The following B3GLCT variants were observed in gnomAD, a reference collection of about 807,000 sequenced individuals.
B3GLCT encodes beta 3-glucosyltransferase, also known as beta-1,3-glucosyltransferase.
In B3GLCT, 65 loss-of-function variants were observed where a neutral mutation model predicts 63.4. That is an observed-to-expected ratio of 1.03 (90% CI 0.84 to 1.26). The LOEUF is 1.26. B3GLCT is among the 50% of genes most tolerant of loss of function. The pLI is 0.00. For synonymous variants in B3GLCT, 233 were observed against 219.2 expected, an observed-to-expected ratio of 1.06 and a Z score of -0.55; for missense variants, 577 against 604.8, an observed-to-expected ratio of 0.95 and a Z score of 0.48.
chr13:31,323,245 T>G (rs1041071), intron 13 of B3GLCT, among the ~76,000 whole-genome samples: 2 of 152,146 alleles, frequency 1.3e-5, no homozygotes, highest in South Asian at 4.1e-4. Flanking sequence ...ATAGAATGTT[T>G]CCTCCCCCAG....
At chr13:31,283,821 T>A (rs1406150641) in intron 10 of B3GLCT, among the ~76,000 whole-genome samples, 2 of 152,216 alleles carry the variant, frequency 1.3e-5, no homozygotes, top group African/African-American at 4.8e-5. Flanking sequence ...GAAGATTTGG[T>A]TCATCAGAGT....
At chr13:31,286,682 A>T in intron 11 of B3GLCT, 38 bp from the exon 12 acceptor site, 1 of 1,280,378 alleles carries the variant, frequency 7.8e-7, no homozygotes, top group Admixed American at 1.7e-5. Context: ...ATTTTATAAG[A>T]AATAATACAT....
At chr13:31,274,365 T>C in intron 8 of B3GLCT, 144 bp from the exon 9 acceptor site, 1 of 995,158 alleles carries the variant, frequency 1.0e-6, no homozygotes, top group Non-Finnish European at 1.6e-6. Flanking sequence ...GTTTAGGAAG[T>C]CCTGTTGAAT....
At chr13:31,208,871 T>TC (rs1869118198) in intron 1 of B3GLCT, among the ~76,000 whole-genome samples, 1 of 151,874 alleles carries the variant, frequency 6.6e-6, no homozygotes, top group Non-Finnish European at 1.5e-5. Context: ...TGGCCCCTGG[T>TC]ACCTTCAGCC....
At chr13:31,264,224 C>T in intron 7 of B3GLCT, among the ~76,000 whole-genome samples, 1 of 152,124 alleles carries the variant, frequency 6.6e-6, no homozygotes, top group African/African-American at 2.4e-5. Context: ...GGGACACAAA[C>T]ATTCAGACCA....
chr13:31,229,827 G>A (rs904005799), intron 4 of B3GLCT, among the ~76,000 whole-genome samples: 7 of 148,360 alleles, frequency 4.7e-5, no homozygotes, highest in Non-Finnish European at 1.0e-4. Flanking sequence ...TTTTGTGTGT[G>A]TGTATATATA....
Position 31,289,415 on chromosome 13 carries a change from T to C in B3GLCT, c.1064+2596T>C, listed in dbSNP as rs1593299378. ...ATCCAGTGATCTTCATGTAAATACATTGAAAAAAGGACTTCACATGGCATA... is the reference window on the plus strand; with the variant it reads ...ATCCAGTGATCTTCATGTAAATACACTGAAAAAAGGACTTCACATGGCATA... On this transcript the variant is annotated intron_variant, in intron 12 of 14. Transcript: ENST00000343307. Among the ~76,000 whole-genome samples the C allele has an allele frequency of 2.0e-5, 3 of 152,220 alleles. No homozygotes were observed. The South Asian group carries it at 6.2e-4, about 32-fold the overall frequency.
At chr13:31,213,486 AG>A (rs1869381491) in intron 1 of B3GLCT, among the ~76,000 whole-genome samples, 1 of 152,050 alleles carries the variant, frequency 6.6e-6, no homozygotes, top group African/African-American at 2.4e-5. Flanking sequence ...GCTACTCGGG[AG>A]GCTGAGGTGG....
chr13:31,266,051 G>C (rs1390294400), intron 7 of B3GLCT, among the ~76,000 whole-genome samples: 3 of 151,944 alleles, frequency 2.0e-5, no homozygotes, highest in Non-Finnish European at 4.4e-5. Flanking sequence ...CCAGGCTGGA[G>C]TACAGTGGCG....
In B3GLCT at chr13:31,330,776, A is replaced by G. The variant is rs1402008477; in HGVS notation, c.*1108A>G. 6.6e-6 allele frequency: 1 copy of G among 152,130 alleles called. No individual in the cohort carries two copies. Among genetic ancestry groups the G allele is most frequent in the Non-Finnish European group, 1.5e-5 (1 of 68,014 alleles). The allele number at this position is 152,130 out of a possible 1,614,324, so 9.4% of individuals were successfully genotyped here. On this transcript the variant is annotated 3_prime_UTR_variant, in exon 15 of 15. Transcript: ENST00000343307. Reference sequence around the variant, plus strand: ...TCTAATTATATAATTCAGTTTTTGTAAAGGTATTTGCATAAAATTTAATAT... The same window carrying G: ...TCTAATTATATAATTCAGTTTTTGTGAAGGTATTTGCATAAAATTTAATAT...
intron 4 of B3GLCT, among the ~76,000 whole-genome samples, chr13:31,230,083 G>A (rs2051968356): frequency 6.6e-6 from 1 of 152,010 alleles, no homozygotes; most frequent in African/African-American, 2.4e-5. Flanking sequence ...TTTTTAATTG[G>A]ATGTCATTAA....
At chr13:31,253,804 GA>G (rs1227965622) in intron 6 of B3GLCT, among the ~76,000 whole-genome samples, 1 of 151,472 alleles carries the variant, frequency 6.6e-6, no homozygotes, top group Non-Finnish European at 1.5e-5. Flanking sequence ...TAATAAAGAA[GA>G]AAAGAGAGAA....
chr13:31,318,447 G>A (rs1048588926), intron 13 of B3GLCT, among the ~76,000 whole-genome samples: 3 of 152,178 alleles, frequency 2.0e-5, no homozygotes, highest in Non-Finnish European at 2.9e-5. Flanking sequence ...ACAGGAACCT[G>A]CAGGATCTCA....
At chr13:31,291,948 G>A (rs1023829582) in intron 12 of B3GLCT, among the ~76,000 whole-genome samples, 2 of 152,076 alleles carry the variant, frequency 1.3e-5, no homozygotes, top group Non-Finnish European at 2.9e-5. Context: ...ATTGGCTGTG[G>A]GTTTGTCATA....
rs1307302850 is a variant in B3GLCT at position 31,331,722 on chromosome 13, AT to A, written c.*2056del. 1.3e-5 allele frequency: 2 copies of A among 152,348 alleles called. No individual in the cohort carries two copies. Among genetic ancestry groups the A allele is most frequent in the Non-Finnish European group, 2.9e-5 (2 of 68,026 alleles). 9.4% of individuals were successfully genotyped at this position (152,348 alleles called of 1,614,324 possible). On this transcript the variant is annotated 3_prime_UTR_variant, in exon 15 of 15. Coordinates refer to ENST00000343307, the MANE Select transcript of B3GLCT (RefSeq NM_194318.4). ...ATGTTTATATAAAGTTTATAAAGCCATTGTGTTTTGTTATATAACAAATCAG... is the reference window on the plus strand; with the variant it reads ...ATGTTTATATAAAGTTTATAAAGCCATGTGTTTTGTTATATAACAAATCAG...
intron 6 of B3GLCT, among the ~76,000 whole-genome samples, chr13:31,250,444 G>A (rs34999631): frequency 0.31 from 47,604 of 152,224 alleles, 8,676 homozygotes; most frequent in Non-Finnish European, 0.42. Flanking sequence ...AAAGTGCTGG[G>A]ATTACAGGCA....
intron 1 of B3GLCT, among the ~76,000 whole-genome samples, chr13:31,207,882 G>A (rs1352617101): frequency 1.3e-5 from 2 of 152,190 alleles, no homozygotes; most frequent in African/African-American, 4.8e-5. Context: ...TTTCCTAAGA[G>A]TTTACTGTTT....
chr13:31,295,327 G>A (rs1873878842), intron 12 of B3GLCT, among the ~76,000 whole-genome samples: 2 of 152,186 alleles, frequency 1.3e-5, no homozygotes, highest in South Asian at 4.1e-4. Flanking sequence ...CTGTCCCTTA[G>A]CAGAGCTCCA....
chr13:31,265,172 A>T (rs1450759523), intron 7 of B3GLCT, among the ~76,000 whole-genome samples: 1 of 152,212 alleles, frequency 6.6e-6, no homozygotes, highest in East Asian at 1.9e-4. Context: ...TTGCGCAGGA[A>T]TTTCATTGAT....
Sources: gnomAD v4.1 joint callset for allele counts (sites outside exome capture counted in the v4.1 genomes callset) on GRCh38, gnomAD v4.1.1 for gene constraint, MANE v1.5 for transcripts, NCBI Gene and HGNC (gene_info 2026-07-23, HGNC 2026-07-21) for gene names.